The following PLXDC2 variants were observed in gnomAD, a reference collection of about 807,000 sequenced individuals.
PLXDC2 encodes plexin domain containing 2.
Under a neutral mutation model 68.9 loss-of-function variants are expected in PLXDC2, and 40 were observed. The ratio of observed to expected loss-of-function variants is 0.58; its 90% CI spans 0.45 to 0.76. The LOEUF is 0.76. Among genes scored for constraint, PLXDC2 ranks in the 30% least tolerant of loss-of-function variants. The probability of loss-of-function intolerance (pLI) is 0.00; values close to 1 mark genes in which losing one functional copy is unlikely to be tolerated. For synonymous variants in PLXDC2, 243 were observed against 234.2 expected (o/e 1.04, Z -0.34); for missense variants, 644 against 661.9 (o/e 0.97, Z 0.30).
chr10:19,856,365 A>AACACACAC (rs1026568869), intron 1 of PLXDC2, among the ~76,000 whole-genome samples: 1 of 132,034 alleles, frequency 7.6e-6, no homozygotes, highest in African/African-American at 2.9e-5. Context: ...TACACACACA[A>AACACACAC]ACACACACAC....
chr10:19,882,641 G>C (rs371606459), intron 1 of PLXDC2, among the ~76,000 whole-genome samples: 1 of 152,142 alleles, frequency 6.6e-6, no homozygotes. Flanking sequence ...GAAAGGTTTC[G>C]AGGGACAAAT....
intron 1 of PLXDC2, among the ~76,000 whole-genome samples, chr10:19,993,527 C>G (rs575687879): frequency 1.1e-4 from 16 of 152,316 alleles, no homozygotes; most frequent in African/African-American, 3.9e-4. Flanking sequence ...TCAAGCAATT[C>G]TCCTGCTTCA....
chr10:19,857,605 T>A (rs1175140719), intron 1 of PLXDC2, among the ~76,000 whole-genome samples: 1 of 152,216 alleles, frequency 6.6e-6, no homozygotes, highest in Non-Finnish European at 1.5e-5. Flanking sequence ...TTTTTCCAAT[T>A]TGTAAAGTTT....
chr10:19,938,576 C>T (rs1833766769), intron 1 of PLXDC2, among the ~76,000 whole-genome samples: 1 of 152,114 alleles, frequency 6.6e-6, no homozygotes, highest in Admixed American at 6.6e-5. Flanking sequence ...ATGAGAACAG[C>T]ACCAACAGGG....
chr10:20,125,584 C>A (rs2884565), intron 4 of PLXDC2, among the ~76,000 whole-genome samples: 5 of 151,918 alleles, frequency 3.3e-5, no homozygotes, highest in African/African-American at 9.7e-5. Flanking sequence ...AGGTTTGAGC[C>A]TGACCATAGG....
At chr10:20,249,050 A>C (rs1329180632) in intron 13 of PLXDC2, among the ~76,000 whole-genome samples, 1 of 152,240 alleles carries the variant, frequency 6.6e-6, no homozygotes, top group East Asian at 1.9e-4. Flanking sequence ...TTTTATGTAC[A>C]TAATTTGATG....
At chr10:20,259,308 G>A (rs1835781993) in intron 13 of PLXDC2, among the ~76,000 whole-genome samples, 1 of 152,078 alleles carries the variant, frequency 6.6e-6, no homozygotes, top group African/African-American at 2.4e-5. Context: ...ATGGTAATGA[G>A]GAAAGTGATT....
At chr10:20,016,674 G>A (rs1396619379) in intron 2 of PLXDC2, among the ~76,000 whole-genome samples, 1 of 152,174 alleles carries the variant, frequency 6.6e-6, no homozygotes, top group African/African-American at 2.4e-5. Flanking sequence ...AGTACCTTCT[G>A]GAAACCACCC....
At chr10:20,268,097 T>G (rs115446415) in intron 13 of PLXDC2, among the ~76,000 whole-genome samples, 2,230 of 152,296 alleles carry the variant, frequency 0.015, 49 homozygotes, top group African/African-American at 0.049. Flanking sequence ...TAATTACAAA[T>G]GTATCTGTAA....
intron 1 of PLXDC2, among the ~76,000 whole-genome samples, chr10:19,843,980 C>T (rs1249683756): frequency 1.3e-5 from 2 of 151,950 alleles, no homozygotes; most frequent in African/African-American, 2.4e-5. Context: ...ATGGGTGCCC[C>T]AAATGCCCTG....
intron 3 of PLXDC2, among the ~76,000 whole-genome samples, chr10:20,052,900 G>A (rs993790032): frequency 1.3e-5 from 2 of 152,010 alleles, no homozygotes; most frequent in Non-Finnish European, 1.5e-5. Flanking sequence ...TCTTGAAATG[G>A]AAGACAGGAG....
intron 7 of PLXDC2, among the ~76,000 whole-genome samples, chr10:20,174,553 C>T (rs374916443): frequency 6.6e-6 from 1 of 152,002 alleles, no homozygotes; most frequent in East Asian, 1.9e-4. Context: ...GACCCTTTCT[C>T]CACCCCTTCT....
intron 7 of PLXDC2, among the ~76,000 whole-genome samples, chr10:20,165,448 T>TCCCCAGAG: frequency 6.6e-6 from 1 of 151,666 alleles, no homozygotes; most frequent in East Asian, 2.0e-4. Flanking sequence ...CCCACAACAG[T>TCCCCAGAG]CCCCAGAGTA....
At chr10:20,028,243 G>A (rs949915198) in intron 2 of PLXDC2, among the ~76,000 whole-genome samples, 47 of 152,246 alleles carry the variant, frequency 3.1e-4, no homozygotes, top group African/African-American at 1.0e-3. Flanking sequence ...GGTCTAGAAC[G>A]TGGCCTGGGG....
chr10:20,176,887 T>G (rs1834534435), intron 7 of PLXDC2, 112 bp from the exon 8 acceptor site: 7 of 722,978 alleles, frequency 9.7e-6, no homozygotes, highest in Non-Finnish European at 1.5e-5. Context: ...TGAGGCTTAA[T>G]TTTAAAACCA....
chr10:20,024,760 T>C (rs1180865633), intron 2 of PLXDC2, among the ~76,000 whole-genome samples: 1 of 152,110 alleles, frequency 6.6e-6, no homozygotes, highest in Non-Finnish European at 1.5e-5. Flanking sequence ...TATTTTTGCC[T>C]TCTTTAGGTC....
At chr10:20,113,727 C>T (rs985265482) in intron 4 of PLXDC2, among the ~76,000 whole-genome samples, 4 of 152,078 alleles carry the variant, frequency 2.6e-5, no homozygotes, top group African/African-American at 9.7e-5. Flanking sequence ...AATAAAAAAA[C>T]AGACACAGTT....
intron 2 of PLXDC2, among the ~76,000 whole-genome samples, chr10:20,017,180 G>C (rs1028586510): frequency 6.6e-6 from 1 of 152,208 alleles, no homozygotes; most frequent in Admixed American, 6.5e-5. Context: ...AGCCACTGCT[G>C]TGAATCTTAA....
chr10:20,173,065 C>A (rs1420906723), intron 7 of PLXDC2, among the ~76,000 whole-genome samples: 2 of 152,182 alleles, frequency 1.3e-5, no homozygotes, highest in Non-Finnish European at 2.9e-5. Flanking sequence ...CTTGTAGCCA[C>A]TATAATAGTG....
Sources: gnomAD v4.1 joint callset for allele counts (sites outside exome capture counted in the v4.1 genomes callset) on GRCh38, gnomAD v4.1.1 for gene constraint, MANE v1.5 for transcripts, NCBI Gene and HGNC (gene_info 2026-07-23, HGNC 2026-07-21) for gene names.